AUTS2: variants seen among roughly 807,000 people sequenced by gnomAD.
AUTS2 encodes the protein activator of transcription and developmental regulator AUTS2.
In AUTS2, 17 loss-of-function variants were observed where a neutral mutation model predicts 112.4. The ratio of observed to expected loss-of-function variants is 0.15; its 90% CI spans 0.10 to 0.23. AUTS2 has a LOEUF of 0.23. Ranked by LOEUF, AUTS2 falls within the 10% of genes least tolerant of loss-of-function variation. The pLI is 1.00. For missense variants in AUTS2, 1,510 were observed against 1,701.6 expected, an observed-to-expected ratio of 0.89 and a Z score of 1.98; for synonymous variants, 751 against 702.7, an observed-to-expected ratio of 1.07 and a Z score of -1.09.
intron 2 of AUTS2, among the ~76,000 whole-genome samples, chr7:70,107,796 G>A (rs1481425289): frequency 2.0e-5 from 3 of 150,746 alleles, no homozygotes; most frequent in African/African-American, 4.9e-5. Context: ...GGCAGATCAC[G>A]AGGTCAGGAG....
chr7:69,611,936 CAA>C (rs896215968), intron 1 of AUTS2, among the ~76,000 whole-genome samples: 2,461 of 85,720 alleles, frequency 0.029, 35 homozygotes, highest in Middle Eastern at 0.2. Context: ...GACTCCGTCT[CAA>C]AAAAAAAAAA....
At chr7:70,322,055 TC>T (rs1362635702) in intron 4 of AUTS2, among the ~76,000 whole-genome samples, 1 of 152,182 alleles carries the variant, frequency 6.6e-6, no homozygotes, top group African/African-American at 2.4e-5. Context: ...ACAGAATTCC[TC>T]TTTAGATCTA....
chr7:69,646,087 G>GGTT (rs1459575265), intron 1 of AUTS2, among the ~76,000 whole-genome samples: 1 of 151,696 alleles, frequency 6.6e-6, no homozygotes, highest in Non-Finnish European at 1.5e-5. Context: ...CTGTTGTTGT[G>GGTT]GTTGTCCCTG....
At chr7:70,761,942 TC>T (rs1415328268) in intron 6 of AUTS2, among the ~76,000 whole-genome samples, 1 of 152,182 alleles carries the variant, frequency 6.6e-6, no homozygotes, top group Non-Finnish European at 1.5e-5. Context: ...TTATTTCAGT[TC>T]CCGTTTGCAC....
At chr7:70,273,648 G>C (rs1420484916) in intron 4 of AUTS2, among the ~76,000 whole-genome samples, 1 of 151,970 alleles carries the variant, frequency 6.6e-6, no homozygotes, top group Non-Finnish European at 1.5e-5. Flanking sequence ...GTCACCCCTT[G>C]GTATACTGAG....
intron 2 of AUTS2, among the ~76,000 whole-genome samples, chr7:69,941,219 A>G (rs1264545162): frequency 6.6e-6 from 1 of 152,208 alleles, no homozygotes; most frequent in Non-Finnish European, 1.5e-5. Context: ...TGAGTTTCTC[A>G]TTGAGTCAAA....
chr7:70,092,423 A>G (rs892832425), intron 2 of AUTS2, among the ~76,000 whole-genome samples: 2 of 152,170 alleles, frequency 1.3e-5, no homozygotes, highest in Admixed American at 6.6e-5. Context: ...TGTCTGTGGT[A>G]GATTTCATTA....
chr7:69,912,245 C>T (rs922077494), intron 2 of AUTS2, among the ~76,000 whole-genome samples: 18 of 152,292 alleles, frequency 1.2e-4, no homozygotes, highest in African/African-American at 4.3e-4. Context: ...GGCCAGGTAG[C>T]GAGAGTAGGC....
intron 5 of AUTS2, among the ~76,000 whole-genome samples, chr7:70,585,760 G>A (rs1802653127): frequency 1.3e-5 from 2 of 152,102 alleles, no homozygotes; most frequent in African/African-American, 4.8e-5. Context: ...AACCCCTAAT[G>A]GGACCAGTGA....
chr7:70,434,502 C>T (rs924919767), intron 4 of AUTS2, among the ~76,000 whole-genome samples: 10 of 152,238 alleles, frequency 6.6e-5, no homozygotes, highest in African/African-American at 2.4e-4. Flanking sequence ...TTACTTGCTT[C>T]CCATATCCAT....
chr7:70,649,196 TTAGATTAGAAGTTTGAGACC>T (rs1285046343), intron 5 of AUTS2, among the ~76,000 whole-genome samples: 1 of 148,408 alleles, frequency 6.7e-6, no homozygotes, highest in African/African-American at 2.5e-5. Flanking sequence ...TTTGAGACCT[TTAGATTAGAAGTTTGAGACC>T]TTTAGATTAG....
chr7:69,757,807 A>G (rs538619613), intron 1 of AUTS2, among the ~76,000 whole-genome samples: 1 of 152,364 alleles, frequency 6.6e-6, no homozygotes, highest in South Asian at 2.1e-4. Flanking sequence ...AACCCAGGAC[A>G]GTGATATTCA....
In AUTS2 at chr7:69,599,496, C is replaced by T. The variant is rs529864188; in HGVS notation, c.-158C>T. 21 of 561,530 alleles carry T rather than the reference C, an allele frequency of 3.7e-5. 1 individual carries two copies. In the South Asian group the frequency reaches 1.0e-3, roughly 27 times the overall value. The allele number at this position is 561,530 out of a possible 1,614,324, so 34.8% of individuals were successfully genotyped here. On this transcript the variant is annotated 5_prime_UTR_variant, in exon 1 of 19. Coordinates refer to ENST00000342771, the MANE Select transcript of AUTS2 (RefSeq NM_015570.4). The surrounding 1 kb of genome is among the most constrained non-coding windows in gnomAD (Gnocchi z 7.0). ...CCTTTTCTTTCTCCTCTCTTTCTTC[C>T]CCTCTCTCCCTTCTTTCGGCCGCCG...
At chr7:69,676,820 T>TC (rs2129163360) in intron 1 of AUTS2, among the ~76,000 whole-genome samples, 1 of 75,852 alleles carries the variant, frequency 1.3e-5, no homozygotes, top group African/African-American at 5.2e-5. Context: ...TTTTCTTTTT[T>TC]CTTTTTTTTT....
chr7:70,526,052 GA>G (rs200670298), intron 5 of AUTS2, among the ~76,000 whole-genome samples: 18 of 151,140 alleles, frequency 1.2e-4, no homozygotes, highest in South Asian at 2.1e-4. Context: ...CCTACCTAGA[GA>G]AAAAAAAATA....
intron 5 of AUTS2, among the ~76,000 whole-genome samples, chr7:70,607,834 T>C (rs1803865703): frequency 6.6e-6 from 1 of 152,242 alleles, no homozygotes; most frequent in Admixed American, 6.5e-5. Flanking sequence ...AGAAGTAAAA[T>C]TGTAGAAGGT....
At chr7:70,729,894 GTATT>G (rs780366781) in intron 6 of AUTS2, among the ~76,000 whole-genome samples, 1 of 144,096 alleles carries the variant, frequency 6.9e-6, no homozygotes, top group South Asian at 2.3e-4. Context: ...ATGTATGTAT[GTATT>G]TAGAGACGGA....
chr7:70,358,003 T>C (rs1219569439), intron 4 of AUTS2, among the ~76,000 whole-genome samples: 1 of 152,152 alleles, frequency 6.6e-6, no homozygotes, highest in Admixed American at 6.5e-5. Context: ...AGAATGTCTA[T>C]AACCTTAGTG....
At chr7:69,881,681 A>G (rs140727544) in intron 1 of AUTS2, among the ~76,000 whole-genome samples, 1 of 152,252 alleles carries the variant, frequency 6.6e-6, no homozygotes, top group African/African-American at 2.4e-5. Flanking sequence ...TAAAGTTTCC[A>G]TCTTTCCATA....
Sources: gnomAD v4.1 joint callset for allele counts (sites outside exome capture counted in the v4.1 genomes callset) on GRCh38, gnomAD v4.1.1 for gene constraint, Gnocchi (gnomAD v3.1) non-coding constraint, MANE v1.5 for transcripts, NCBI Gene and HGNC (gene_info 2026-07-23, HGNC 2026-07-21) for gene names.